The following STOX1 variants were observed in gnomAD, a reference collection of about 807,000 sequenced individuals.
STOX1 encodes storkhead-box protein 1.
A neutral mutation model predicts 74.8 loss-of-function variants in STOX1; 57 were observed. That is an observed-to-expected ratio of 0.76 (90% CI 0.62 to 0.95). The LOEUF (loss-of-function observed/expected upper bound fraction) is 0.95, where lower values mean the gene tolerates loss of function less well. STOX1 is among the 40% of genes least tolerant of loss of function. The pLI is 0.00. For synonymous variants in STOX1, 375 were observed against 401.3 expected (o/e 0.93, Z 0.78); for missense variants, 1,010 against 1,117.0 (o/e 0.90, Z 1.37).
intron 1 of STOX1, among the ~76,000 whole-genome samples, chr10:68,836,061 C>A (rs933139667): frequency 6.6e-6 from 1 of 151,816 alleles, no homozygotes; most frequent in Non-Finnish European, 1.5e-5. Context: ...TTAGTAGAGA[C>A]GGGGTTTCAC....
intron 1 of STOX1, among the ~76,000 whole-genome samples, chr10:68,874,216 G>A (rs1219041077): frequency 6.6e-6 from 1 of 151,890 alleles, no homozygotes; most frequent in Non-Finnish European, 1.5e-5. Flanking sequence ...ATGTCCCTGA[G>A]TTGTCTTTCA....
At chr10:68,873,410 G>A (rs929752527) in intron 1 of STOX1, among the ~76,000 whole-genome samples, 3 of 151,678 alleles carry the variant, frequency 2.0e-5, no homozygotes, top group Middle Eastern at 6.3e-3. Flanking sequence ...CCAGGCGGCC[G>A]CCACCACGCC....
At chr10:68,873,593 G>T (rs11814730) in intron 1 of STOX1, among the ~76,000 whole-genome samples, 1 of 119,994 alleles carries the variant, frequency 8.3e-6, no homozygotes, top group East Asian at 2.6e-4. Flanking sequence ...CTGAGTTTTA[G>T]AAAAATTTCA....
At chr10:68,851,369 A>C (rs910111717) in intron 1 of STOX1, among the ~76,000 whole-genome samples, 1 of 152,078 alleles carries the variant, frequency 6.6e-6, no homozygotes, top group African/African-American at 2.4e-5. Flanking sequence ...TCTAAGAGTA[A>C]ACTTAATTGT....
chr10:68,872,116 G>A (rs919941336), intron 1 of STOX1, among the ~76,000 whole-genome samples: 62 of 151,984 alleles, frequency 4.1e-4, no homozygotes, highest in African/African-American at 1.4e-3. Context: ...CAATACAGGC[G>A]CCCAGAAAGA....
intron 2 of STOX1, among the ~76,000 whole-genome samples, chr10:68,882,744 G>T (rs1319311151): frequency 2.0e-5 from 3 of 152,064 alleles, no homozygotes; most frequent in Non-Finnish European, 4.4e-5. Flanking sequence ...TGATCCACCC[G>T]CCTTGGCCCC....
intron 1 of STOX1, among the ~76,000 whole-genome samples, chr10:68,848,594 A>C (rs890343449): frequency 6.6e-6 from 1 of 152,220 alleles, no homozygotes; most frequent in Admixed American, 6.5e-5. Flanking sequence ...GGATTAAATG[A>C]AACAATACAT....
At chr10:68,883,579 A>G (rs1258434312) in intron 2 of STOX1, among the ~76,000 whole-genome samples, 1 of 151,710 alleles carries the variant, frequency 6.6e-6, no homozygotes, top group Non-Finnish European at 1.5e-5. Context: ...ATGCCCTGCT[A>G]ATTTTTGTAT....
In STOX1 at chr10:68,892,699, A is replaced by C. The variant is rs755966833; in HGVS notation, c.2933A>C (p.Asn978Thr). Residue 978 changes from asparagine (N) to threonine (T), a missense_variant, in exon 4 of 4, where the codon AAT becomes ACT. Asn to Thr is a moderately conservative substitution (Grantham distance 65). Coordinates refer to ENST00000298596, the MANE Select transcript of STOX1 (RefSeq NM_152709.5). ...GTKSSQPLTSNSLLPLTPVIN... is the reference protein window; with the variant it reads ...GTKSSQPLTSTSLLPLTPVIN... Reference sequence around the variant, plus strand: ...AAGAGCAGTCAACCACTCACATCTAATTCCTTACTACCGCTAACTCCAGTC... The same window carrying C: ...AAGAGCAGTCAACCACTCACATCTACTTCCTTACTACCGCTAACTCCAGTC... The C allele has an allele frequency of 6.2e-7, 1 of 1,613,974 alleles. No homozygotes were observed. The highest frequency in any genetic ancestry group is 8.5e-7 in the Non-Finnish European group (1 of 1,179,944).
chr10:68,884,482 A>G lies in STOX1; in HGVS notation c.686A>G (p.Glu229Gly). Reference sequence around the variant, plus strand: ...CTGGTGAGCATGGAGAGCTGTGCAGAGTCAGCCCAAGAGAATGCTGCCCCC... The same window carrying G: ...CTGGTGAGCATGGAGAGCTGTGCAGGGTCAGCCCAAGAGAATGCTGCCCCC... ...TYLVSMESCA[E>G]SAQENAAPIS... Residue 229 changes from glutamate (E) to glycine (G), a missense_variant, in exon 3 of 4, where the codon GAG becomes GGG. By Grantham distance (98) the Glu-to-Gly change is moderately conservative. Transcript: ENST00000298596. 1.9e-6 allele frequency: 3 copies of G among 1,613,834 alleles called. No individual in the cohort carries two copies. The highest frequency in any genetic ancestry group is 1.7e-6 in the Non-Finnish European group (2 of 1,179,996).
Position 68,885,503 on chromosome 10 carries a change from T to G in STOX1, c.1707T>G (p.Pro569=). 1 of 1,614,192 alleles carries G rather than the reference T, an allele frequency of 6.2e-7. No individual in the cohort carries two copies. Among genetic ancestry groups the G allele is most frequent in the South Asian group, 1.1e-5 (1 of 91,086 alleles). The change falls in exon 3 of 4, where the codon CCT becomes CCG. Residue 569 remains proline (P), a synonymous_variant. Coordinates refer to ENST00000298596, the MANE Select transcript of STOX1 (RefSeq NM_152709.5). ...CAGAATCCATTTACATAAATGACCCTACTGTCAAACCCATCAATGATGACT... is the reference window on the plus strand; with the variant it reads ...CAGAATCCATTTACATAAATGACCCGACTGTCAAACCCATCAATGATGACT... ...MEAESIYIND[P]TVKPINDDFR...
In STOX1 at chr10:68,842,107, A is replaced by C. The variant is rs748236782; in HGVS notation, c.310+14174A>C. 1.1e-4 allele frequency among the ~76,000 whole-genome samples: 16 copies of C among 151,890 alleles called. No homozygotes were observed. The South Asian group carries it at 1.5e-3, about 14-fold the overall frequency. The stretch of plus-strand genomic sequence containing the variant: ...TGGGGCAGAGCAGTCCTCCCCTTAT[A>C]AATGGCAGCCACCATGCTTGCCTTG... On this transcript the variant is annotated intron_variant, in intron 1 of 3. Transcript: ENST00000298596.
chr10:68,835,583 T>G (rs1839526473), intron 1 of STOX1, among the ~76,000 whole-genome samples: 1 of 151,870 alleles, frequency 6.6e-6, no homozygotes, highest in Non-Finnish European at 1.5e-5. Flanking sequence ...CTCTAGTTCT[T>G]TAGGTATGAA....
Position 68,886,622 on chromosome 10 carries a change from G to A in STOX1, c.2822+4G>A. The A allele has an allele frequency of 1.2e-6, 2 of 1,613,582 alleles. No homozygotes were observed. Among genetic ancestry groups the A allele is most frequent in the East Asian group, 2.2e-5 (1 of 44,870 alleles). On this transcript the variant is annotated splice_donor_region_variant and intron_variant, in intron 3 of 3. Coordinates refer to ENST00000298596, the MANE Select transcript of STOX1 (RefSeq NM_152709.5). ...ATAGTGGAATAGATTCTCCACGGTA[G>A]GTCCATACAAAAGTGTCTGATTTAG...
Position 68,882,009 on chromosome 10 carries a change from C to G in STOX1, c.362C>G (p.Pro121Arg). 2.5e-6 allele frequency: 4 copies of G among 1,613,708 alleles called. No homozygotes were observed. Among genetic ancestry groups the G allele is most frequent in the Non-Finnish European group, 2.5e-6 (3 of 1,179,904 alleles). Reference protein sequence around the residue: ...MNPITQSQFVPLGEVLCCAIS... With the variant: ...MNPITQSQFVRLGEVLCCAIS... ...CCAATAACTCAATCTCAGTTCGTAC[C>G]TTTGGGTGAAGTTCTTTGCTGTGCT... The change falls in exon 2 of 4, where the codon CCT (proline) becomes CGT (arginine). Residue 121 changes from proline (P) to arginine (R), a missense_variant. Physicochemically the swap from Pro to Arg is moderately radical, Grantham distance 103 (BLOSUM62 -2). Transcript: ENST00000298596.
intron 1 of STOX1, among the ~76,000 whole-genome samples, chr10:68,853,806 C>T (rs775012291): frequency 2.0e-4 from 31 of 151,876 alleles, no homozygotes; most frequent in Non-Finnish European, 4.3e-4. Flanking sequence ...CTGCCTCAGC[C>T]TCCCAAGTAT....
intron 1 of STOX1, among the ~76,000 whole-genome samples, chr10:68,861,407 G>A (rs916969591): frequency 1.3e-5 from 2 of 152,190 alleles, no homozygotes; most frequent in African/African-American, 4.8e-5. Flanking sequence ...CACCTTGAGT[G>A]GTTTTCCACC....
chr10:68,884,380 C>T lies in STOX1; in HGVS notation c.584C>T (p.Thr195Ile), dbSNP rs909734331. The stretch of plus-strand genomic sequence containing the variant: ...GTTACTCCTCAGACTTACTTCATTA[C>T]AAATACAACCACCCAGGAAAATAAG... ...FIVTPQTYFI[T>I]NTTTQENKRM... is the part of the protein sequence containing the mutation. The change falls in exon 3 of 4, where the codon ACA becomes ATA. Residue 195 changes from threonine to isoleucine, a missense_variant. Transcript: ENST00000298596. The T allele has an allele frequency of 1.2e-6, 2 of 1,614,152 alleles. No individual in the cohort carries two copies. The highest frequency in any genetic ancestry group is 1.7e-6 in the Non-Finnish European group (2 of 1,180,030).
At chr10:68,847,383 A>G (rs1337562863) in intron 1 of STOX1, among the ~76,000 whole-genome samples, 1 of 151,292 alleles carries the variant, frequency 6.6e-6, no homozygotes. Context: ...TCACGGGTGG[A>G]TTTGGGGATT....
Sources: gnomAD v4.1 joint callset for allele counts (sites outside exome capture counted in the v4.1 genomes callset) on GRCh38, gnomAD v4.1.1 for gene constraint, MANE v1.5 for transcripts, NCBI Gene and HGNC (gene_info 2026-07-23, HGNC 2026-07-21) for gene names.